The following MAPT variants were observed in gnomAD, a reference collection of about 807,000 sequenced individuals.
MAPT encodes the protein microtubule-associated protein tau.
Under a neutral mutation model 67.9 loss-of-function variants are expected in MAPT, and 34 were observed. That is an observed-to-expected ratio of 0.50 (90% CI 0.38 to 0.67). MAPT has a LOEUF of 0.67. MAPT is among the 30% of genes least tolerant of loss of function. The pLI, the probability that MAPT is intolerant of heterozygous loss-of-function variation, is 0.00. For synonymous variants in MAPT, 456 were observed against 464.5 expected, an observed-to-expected ratio of 0.98 and a Z score of 0.23; for missense variants, 881 against 1,115.2, an observed-to-expected ratio of 0.79 and a Z score of 2.99.
At chr17:46,002,260 G>A (rs2075061463) in intron 9 of MAPT, among the ~76,000 whole-genome samples, 2 of 152,154 alleles carry the variant, frequency 1.3e-5, no homozygotes, top group African/African-American at 4.8e-5. Flanking sequence ...GCTGAAGCAG[G>A]CAGGCTGTCG....
At chr17:45,953,865 A>C (rs2069334504) in intron 1 of MAPT, among the ~76,000 whole-genome samples, 1 of 152,172 alleles carries the variant, frequency 6.6e-6, no homozygotes, top group Non-Finnish European at 1.5e-5. Flanking sequence ...ATGACCTTTG[A>C]TTCTCCTGCT....
At position 46,027,172 on chromosome 17, in the gene MAPT, TC is replaced by T. The variant is rs991921799; in HGVS notation, c.*3003del. Reference sequence around the variant, plus strand: ...TTTCTTCACGCACCTCGGTTCCTCTTCCTGAAGTTCTTGTGCCCTGCTCTTC... The same window carrying T: ...TTTCTTCACGCACCTCGGTTCCTCTTCTGAAGTTCTTGTGCCCTGCTCTTC... On this transcript the variant is annotated 3_prime_UTR_variant, in exon 13 of 13. Transcript: ENST00000262410. The T allele has an allele frequency of 6.6e-6, 1 of 152,222 alleles. No individual in the cohort carries two copies. Among genetic ancestry groups the T allele is most frequent in the East Asian group, 1.9e-4 (1 of 5,192 alleles). The allele number at this position is 152,222 out of a possible 1,614,324, so 9.4% of individuals were successfully genotyped here.
At position 45,998,421 on chromosome 17, in the gene MAPT, G is replaced by A. The variant is rs375940563; in HGVS notation, c.1998+1757G>A. ...CGGTGCACAGAGGTGGAGAAGACTC[G>A]GCTGTGCCCCAGAGCACCTCCTCTC... On this transcript the variant is annotated intron_variant, in intron 9 of 12. Coordinates refer to ENST00000262410, the MANE Select transcript of MAPT (RefSeq NM_001377265.1). 9.8e-5 allele frequency among the ~76,000 whole-genome samples: 15 copies of A among 152,302 alleles called. No homozygotes were observed. In the East Asian group the frequency reaches 1.4e-3, roughly 14 times the overall value.
At chr17:46,014,787 T>C (rs2076052386) in intron 11 of MAPT, among the ~76,000 whole-genome samples, 1 of 150,802 alleles carries the variant, frequency 6.6e-6, no homozygotes, top group Non-Finnish European at 1.5e-5. Flanking sequence ...GGCAGGAAAA[T>C]GGCGTGAACC....
At position 46,002,132 on chromosome 17, in the gene MAPT, A is replaced by G. The variant is rs185163101; in HGVS notation, c.1998+5468A>G. Among the ~76,000 whole-genome samples the G allele has an allele frequency of 2.0e-5, 3 of 152,312 alleles. 1 individual carries two copies. In the South Asian group the frequency reaches 6.2e-4, roughly 32 times the overall value. ...AAGCTTGAGCGCTAGGAGAGTTCAC[A>G]CTGGCAGAAGAGAGGTTGGGGCAGC... is the stretch of plus-strand genomic sequence containing the variant. On this transcript the variant is annotated intron_variant, in intron 9 of 12. Coordinates refer to ENST00000262410, the MANE Select transcript of MAPT (RefSeq NM_001377265.1).
chr17:45,952,069 C>T (rs376895969), intron 1 of MAPT, among the ~76,000 whole-genome samples: 28 of 152,298 alleles, frequency 1.8e-4, no homozygotes, highest in East Asian at 5.8e-4. Flanking sequence ...CTGTGTGTCT[C>T]GCTTAGATTA....
chr17:45,949,137 G>A (rs889818409), intron 1 of MAPT, among the ~76,000 whole-genome samples: 2 of 152,240 alleles, frequency 1.3e-5, no homozygotes, highest in African/African-American at 4.8e-5. Flanking sequence ...GGATAAGGAG[G>A]ACCACGCTTT....
At chr17:45,952,027 C>A (rs560734430) in intron 1 of MAPT, among the ~76,000 whole-genome samples, 124 of 152,282 alleles carry the variant, frequency 8.1e-4, no homozygotes, top group African/African-American at 3.0e-3. Context: ...CGCTTCTCGG[C>A]CTTTTGGCTA....
intron 1 of MAPT, chr17:45,931,807 C>G (rs1046758507): frequency 6.6e-6 from 1 of 152,172 alleles, no homozygotes; most frequent in African/African-American, 2.4e-5. Context: ...TCCAAGTAGG[C>G]TGGGTGTGGT....
At chr17:46,003,416 T>C (rs113360030) in intron 9 of MAPT, among the ~76,000 whole-genome samples, 299 of 152,182 alleles carry the variant, frequency 2.0e-3, no homozygotes, top group African/African-American at 6.7e-3. Flanking sequence ...GTAGCTGGGA[T>C]TACAAGCACA....
At chr17:45,967,409 A>G (rs1481975060) in intron 2 of MAPT, among the ~76,000 whole-genome samples, 3 of 152,218 alleles carry the variant, frequency 2.0e-5, no homozygotes, top group Non-Finnish European at 4.4e-5. Context: ...CTGGCAGTCA[A>G]GGCTGCTGAA....
In MAPT at chr17:45,906,613, A is replaced by G. The variant is rs986262024; in HGVS notation, c.-18+11927A>G. Among the ~76,000 whole-genome samples the G allele has an allele frequency of 1.3e-5, 2 of 152,104 alleles. No individual in the cohort carries two copies. The highest frequency in any genetic ancestry group is 2.9e-5 in the Non-Finnish European group (2 of 68,006). On this transcript the variant is annotated intron_variant, in intron 1 of 12. Coordinates refer to ENST00000262410, the MANE Select transcript of MAPT (RefSeq NM_001377265.1). This position sits in a 1 kb window ranked among gnomAD's most constrained non-coding sequence, Gnocchi z 4.3. ...GAGCGTGGATGGTGGGAGGTATTTC[A>G]GGGTGTATGCATAACCCCCACCCTG...
rs1313746079 is a variant in MAPT at position 45,915,277 on chromosome 17, T to A, written c.-18+20591T>A. 6.7e-6 allele frequency among the ~76,000 whole-genome samples: 1 copy of A among 149,926 alleles called. No homozygotes were observed. Among genetic ancestry groups the A allele is most frequent in the Non-Finnish European group, 1.5e-5 (1 of 67,458 alleles). On this transcript the variant is annotated intron_variant, in intron 1 of 12. Coordinates refer to ENST00000262410, the MANE Select transcript of MAPT (RefSeq NM_001377265.1). This position sits in a 1 kb window ranked among gnomAD's most constrained non-coding sequence, Gnocchi z 4.4. The stretch of plus-strand genomic sequence containing the variant: ...GTGTAAGCATGAGTGTGTATGTGTG[T>A]GGTGTGGGGGTGTGTGCTGTGTGAG...
intron 9 of MAPT, among the ~76,000 whole-genome samples, chr17:46,000,942 T>C (rs1276754524): frequency 1.3e-5 from 2 of 152,174 alleles, no homozygotes; most frequent in Non-Finnish European, 2.9e-5. Flanking sequence ...TTAAAACATT[T>C]TGTTGGGGCC....
intron 1 of MAPT, among the ~76,000 whole-genome samples, chr17:45,952,426 A>G (rs2145138263): frequency 6.6e-6 from 1 of 152,286 alleles, no homozygotes; most frequent in South Asian, 2.1e-4. Flanking sequence ...CCTGAGTTAG[A>G]AGACACAGGC....
At chr17:45,910,234 G>T (rs1353210767) in intron 1 of MAPT, among the ~76,000 whole-genome samples, 1 of 152,118 alleles carries the variant, frequency 6.6e-6, no homozygotes. Flanking sequence ...ACTAACAAGT[G>T]GATAGTACTT....
intron 10 of MAPT, 54 bp from the exon 11 acceptor site, chr17:46,014,189 T>G (rs2076005483): frequency 9.9e-7 from 1 of 1,011,368 alleles, no homozygotes; most frequent in Non-Finnish European, 1.6e-6. Flanking sequence ...TTTGTCTCTC[T>G]GTCTTCCTCT....
chr17:45,936,178 C>T (rs932736124), intron 1 of MAPT, among the ~76,000 whole-genome samples: 1 of 152,240 alleles, frequency 6.6e-6, no homozygotes, highest in African/African-American at 2.4e-5. Flanking sequence ...CCTGGCCAGA[C>T]CGAATATATC....
At chr17:45,927,727 G>A (rs543304739) in intron 1 of MAPT, among the ~76,000 whole-genome samples, 4 of 152,170 alleles carry the variant, frequency 2.6e-5, no homozygotes, top group South Asian at 2.1e-4. Context: ...TAGGCCAGGC[G>A]CGGTGACTCA....
Sources: allele counts gnomAD v4.1 joint callset (sites outside exome capture counted in the v4.1 genomes callset), GRCh38; gene constraint gnomAD v4.1.1; non-coding constraint Gnocchi (gnomAD v3.1); transcripts MANE v1.5; gene names NCBI Gene and HGNC (gene_info 2026-07-23, HGNC 2026-07-21).